RUNX1T1: variants seen among roughly 807,000 people sequenced by gnomAD.
The protein encoded by RUNX1T1 is RUNX1 partner transcriptional co-repressor 1, also known as protein CBFA2T1.
A neutral mutation model predicts 62.8 loss-of-function variants in RUNX1T1; 4 were observed. The observed-to-expected ratio is 0.06, with a 90% CI of 0.03 to 0.15. The LOEUF (loss-of-function observed/expected upper bound fraction) is 0.15. Ranked by LOEUF, RUNX1T1 falls within the 10% of genes least tolerant of loss-of-function variation. The probability of loss-of-function intolerance (pLI) is 1.00; values close to 1 mark genes in which losing one functional copy is unlikely to be tolerated. For missense variants in RUNX1T1, 508 were observed against 754.3 expected, an observed-to-expected ratio of 0.67 and a Z score of 3.82; for synonymous variants, 291 against 286.0, an observed-to-expected ratio of 1.02 and a Z score of -0.18.
exon 11 of RUNX1T1, chr8:91,959,978 A>G: frequency 4.1e-6 from 2 of 488,420 alleles, no homozygotes; most frequent in Non-Finnish European, 7.4e-6. Flanking sequence ...CTATCATTTC[A>G]TGTTATATTC....
chr8:91,955,903 G>C (rs577104748), downstream of RUNX1T1: 9 of 229,638 alleles, frequency 3.9e-5, no homozygotes, highest in Admixed American at 1.7e-4. Flanking sequence ...ATGTGTCAGA[G>C]GAGATAACTG....
intron 1 of RUNX1T1, among the ~76,000 whole-genome samples, chr8:92,019,380 G>C (rs904560364): frequency 6.6e-6 from 1 of 152,086 alleles, no homozygotes; most frequent in Non-Finnish European, 1.5e-5. Context: ...ACACAGATTT[G>C]AAGCACGTGG....
At chr8:91,960,586 AT>A in intron 10 of RUNX1T1, 69 bp from the exon 12 acceptor site, 1 of 1,496,350 alleles carries the variant, frequency 6.7e-7, no homozygotes, top group Non-Finnish European at 9.2e-7. Flanking sequence ...TCTGACAAAT[AT>A]GTTAGGCATC....
chr8:91,959,466 G>T (rs11997975), exon 11 of RUNX1T1: 1 of 88,598 alleles, frequency 1.1e-5, no homozygotes. Context: ...GTGTGTGTGT[G>T]TATATGTGCG....
At chr8:92,044,951 C>T (rs1829128621) in intron 1 of RUNX1T1, among the ~76,000 whole-genome samples, 1 of 151,958 alleles carries the variant, frequency 6.6e-6, no homozygotes, top group Admixed American at 6.6e-5. Flanking sequence ...ATAAAATAGA[C>T]CAGGTGCAGG....
chr8:91,996,648 A>T (rs1233212474), intron 5 of RUNX1T1, among the ~76,000 whole-genome samples: 1 of 152,182 alleles, frequency 6.6e-6, no homozygotes, highest in Non-Finnish European at 1.5e-5. Context: ...CTTAGGACTC[A>T]GCCGTGTGAT....
chr8:92,033,463 C>T (rs1826639043), intron 1 of RUNX1T1, among the ~76,000 whole-genome samples: 2 of 152,126 alleles, frequency 1.3e-5, no homozygotes, highest in Admixed American at 6.5e-5. Context: ...TTCTTAAGTT[C>T]GTGATTCAGA....
At chr8:91,998,647 A>G (rs1223215272) in intron 5 of RUNX1T1, among the ~76,000 whole-genome samples, 1 of 152,222 alleles carries the variant, frequency 6.6e-6, no homozygotes, top group African/African-American at 2.4e-5. Flanking sequence ...TCTGAAGCTG[A>G]CCATCTGCTC....
At chr8:92,068,296 T>C (rs1445883941) in intron 2 of RUNX1T1, among the ~76,000 whole-genome samples, 3 of 152,314 alleles carry the variant, frequency 2.0e-5, no homozygotes, top group South Asian at 2.1e-4. Context: ...TAACACTATA[T>C]AGAAAACCTT....
At chr8:91,987,530 C>A (rs1816828050) in intron 6 of RUNX1T1, among the ~76,000 whole-genome samples, 1 of 152,016 alleles carries the variant, frequency 6.6e-6, no homozygotes, top group South Asian at 2.1e-4. Flanking sequence ...GCTACATATA[C>A]TCATTCAGTT....
At position 91,986,881 on chromosome 8, in the gene RUNX1T1, T is replaced by C. The variant is rs141200645; in HGVS notation, c.996+6A>G. The C allele has an allele frequency of 2.6e-4, 409 of 1,552,784 alleles. 6 individuals are homozygous for C. Among genetic ancestry groups the C allele is most frequent in the South Asian group, 2.2e-3 (198 of 89,822 alleles). ...TTTTAATCCCAAATGATTACTGATG[T>C]CTTACATGGTCAAGATGTTTCCACT... is the stretch of plus-strand genomic sequence containing the variant. On this transcript the variant is annotated splice_donor_region_variant and intron_variant, in intron 7 of 10. Coordinates refer to ENST00000396218, the Ensembl canonical transcript of RUNX1T1.
At chr8:91,960,583 A>C in intron 10 of RUNX1T1, 66 bp from the exon 12 acceptor site, 1 of 1,517,992 alleles carries the variant, frequency 6.6e-7, no homozygotes, top group South Asian at 1.2e-5. Flanking sequence ...TAGTCTGACA[A>C]ATATGTTAGG....
At chr8:92,075,304 G>A (rs1438219807) in intron 2 of RUNX1T1, among the ~76,000 whole-genome samples, 1 of 152,236 alleles carries the variant, frequency 6.6e-6, no homozygotes, top group African/African-American at 2.4e-5. Flanking sequence ...GCTGGCTACA[G>A]GAGACATGAA....
intron 1 of RUNX1T1, among the ~76,000 whole-genome samples, chr8:92,059,887 G>C (rs1453652146): frequency 6.6e-6 from 1 of 152,096 alleles, no homozygotes; most frequent in Non-Finnish European, 1.5e-5. Context: ...GGACCATTGA[G>C]AAAGGGTGGT....
At chr8:92,008,438 G>A (rs1821303371) in intron 4 of RUNX1T1, among the ~76,000 whole-genome samples, 1 of 146,770 alleles carries the variant, frequency 6.8e-6, no homozygotes, top group Non-Finnish European at 1.5e-5. Context: ...ACGAGACTAT[G>A]TGCCATTCTG....
intron 5 of RUNX1T1, among the ~76,000 whole-genome samples, chr8:91,997,241 T>C (rs146286939): frequency 1.3e-5 from 2 of 152,268 alleles, no homozygotes; most frequent in Non-Finnish European, 2.9e-5. Context: ...AAACAGTGTA[T>C]AACATTCAAG....
At chr8:92,095,045 G>T in intron 1 of RUNX1T1, 3 of 1,535,518 alleles carry the variant, frequency 2.0e-6, no homozygotes, top group Non-Finnish European at 2.6e-6. Flanking sequence ...AGTCCTGTCT[G>T]GATAGCAGAG....
At chr8:91,955,858 C>G (rs1021184317), downstream of RUNX1T1, 1 of 228,220 alleles carries the variant, frequency 4.4e-6, no homozygotes, top group African/African-American at 2.2e-5. Context: ...GTTTTTCAAA[C>G]TCTAACAAAC....
chr8:92,006,437 T>C (rs1385682660), intron 4 of RUNX1T1: 4 of 152,156 alleles, frequency 2.6e-5, no homozygotes, highest in Non-Finnish European at 4.4e-5. Flanking sequence ...GTACACCGAT[T>C]AACCCATCAG....
Sources: gnomAD v4.1 joint callset for allele counts (sites outside exome capture counted in the v4.1 genomes callset) on GRCh38, gnomAD v4.1.1 for gene constraint, MANE v1.5 for transcripts, NCBI Gene and HGNC (gene_info 2026-07-23, HGNC 2026-07-21) for gene names.